Variants in MSI2 observed in about 807,000 individuals in gnomAD.
The protein encoded by MSI2 is musashi RNA binding protein 2, also known as RNA-binding protein Musashi homolog 2.
In MSI2, 17 loss-of-function variants were observed where a neutral mutation model predicts 45.6. The ratio of observed to expected loss-of-function variants is 0.37; its 90% CI spans 0.26 to 0.56. The LOEUF is 0.56. Ranked by LOEUF, MSI2 falls within the 20% of genes least tolerant of loss-of-function variation. The pLI is 0.77. For synonymous variants in MSI2, 156 were observed against 158.2 expected (o/e 0.99, Z 0.11); for missense variants, 293 against 444.2 (o/e 0.66, Z 3.06).
chr17:57,586,105 AG>A (rs1315999792), intron 7 of MSI2, among the ~76,000 whole-genome samples: 1 of 152,244 alleles, frequency 6.6e-6, no homozygotes, highest in Non-Finnish European at 1.5e-5. Context: ...CACAAAAAAT[AG>A]GTTTGTGAAC....
intron 7 of MSI2, among the ~76,000 whole-genome samples, chr17:57,579,448 C>A (rs2088142309): frequency 6.6e-6 from 1 of 152,190 alleles, no homozygotes; most frequent in Admixed American, 6.5e-5. Context: ...TCAAGGTGTG[C>A]CCTGTGGCCT....
intron 7 of MSI2, among the ~76,000 whole-genome samples, chr17:57,578,541 C>A (rs757264258): frequency 6.6e-6 from 1 of 151,912 alleles, no homozygotes; most frequent in Non-Finnish European, 1.5e-5. Flanking sequence ...TAATTGGGAA[C>A]AGAAGAATGC....
chr17:57,633,236 G>A (rs1320855100), intron 10 of MSI2: 3 of 975,080 alleles, frequency 3.1e-6, no homozygotes, highest in Non-Finnish European at 3.7e-6. Context: ...CTCGCTCCGG[G>A]GGAGGTGAAT....
intron 11 of MSI2, among the ~76,000 whole-genome samples, chr17:57,662,898 T>G (rs1231434552): frequency 6.6e-6 from 1 of 152,202 alleles, no homozygotes; most frequent in East Asian, 1.9e-4. Context: ...CGTGGTCGTG[T>G]AAGAGGAAGC....
intron 7 of MSI2, among the ~76,000 whole-genome samples, chr17:57,546,329 T>C (rs992432166): frequency 6.6e-6 from 1 of 152,144 alleles, no homozygotes; most frequent in Non-Finnish European, 1.5e-5. Flanking sequence ...GTAATACTAA[T>C]TGATTGGTTG....
At chr17:57,625,036 C>T (rs1908669755) in intron 9 of MSI2, among the ~76,000 whole-genome samples, 1 of 152,104 alleles carries the variant, frequency 6.6e-6, no homozygotes, top group Admixed American at 6.6e-5. Context: ...CTAACCGTGT[C>T]CTCACGTGTT....
At chr17:57,440,063 T>C (rs2084768471) in intron 6 of MSI2, among the ~76,000 whole-genome samples, 1 of 152,170 alleles carries the variant, frequency 6.6e-6, no homozygotes, top group Non-Finnish European at 1.5e-5. Flanking sequence ...GAGTTAGCTG[T>C]TTATTTCAAA....
At chr17:57,368,308 C>T (rs1334689617) in intron 5 of MSI2, among the ~76,000 whole-genome samples, 2 of 152,136 alleles carry the variant, frequency 1.3e-5, no homozygotes, top group Non-Finnish European at 1.5e-5. Flanking sequence ...AGGCTCCCAG[C>T]ACTTTGGGAG....
intron 6 of MSI2, among the ~76,000 whole-genome samples, chr17:57,467,001 G>A (rs1287545671): frequency 6.6e-6 from 1 of 152,184 alleles, no homozygotes; most frequent in Admixed American, 6.5e-5. Flanking sequence ...TCCTTATCTT[G>A]TGAGCAGAAG....
At chr17:57,567,146 C>T (rs773031420) in intron 7 of MSI2, among the ~76,000 whole-genome samples, 13 of 152,250 alleles carry the variant, frequency 8.5e-5, no homozygotes, top group Middle Eastern at 6.8e-3. Context: ...TTTTTGTTTC[C>T]GTTTAAAACA....
chr17:57,658,422 G>A (rs1911757636), intron 11 of MSI2, among the ~76,000 whole-genome samples: 1 of 152,298 alleles, frequency 6.6e-6, no homozygotes, highest in East Asian at 1.9e-4. Context: ...GTTCATTTCT[G>A]GGAGAGCCAG....
chr17:57,285,447 A>G (rs1909784279), intron 5 of MSI2, among the ~76,000 whole-genome samples: 3 of 152,226 alleles, frequency 2.0e-5, no homozygotes, highest in South Asian at 2.1e-4. Context: ...GCGGTTTTCC[A>G]TTTTCACGGT....
intron 4 of MSI2, among the ~76,000 whole-genome samples, chr17:57,260,303 A>G (rs1907190397): frequency 6.6e-6 from 1 of 152,214 alleles, no homozygotes; most frequent in Non-Finnish European, 1.5e-5. Flanking sequence ...CGATCATGAT[A>G]TAATGCTCTG....
chr17:57,552,636 T>G lies in MSI2; in HGVS notation c.454+22912T>G, dbSNP rs563888603. Among the ~76,000 whole-genome samples, 4 of 152,332 alleles carry G rather than the reference T, an allele frequency of 2.6e-5. No individual in the cohort carries two copies. Among genetic ancestry groups the G allele is most frequent in the Admixed American group, 2.6e-4 (4 of 15,308 alleles). On this transcript the variant is annotated intron_variant, in intron 7 of 13. Coordinates refer to ENST00000284073, the MANE Select transcript of MSI2 (RefSeq NM_138962.4). The surrounding 1 kb of genome is among the most constrained non-coding windows in gnomAD (Gnocchi z 4.3). Reference sequence around the variant, plus strand: ...AGTTTCCTCTGGTTCAAACTTACGTTTGAAGTTTTTCTACAACCAGAAGGT... The same window carrying G: ...AGTTTCCTCTGGTTCAAACTTACGTGTGAAGTTTTTCTACAACCAGAAGGT...
intron 6 of MSI2, chr17:57,449,724 T>C (rs921281024): frequency 6.6e-6 from 1 of 152,190 alleles, no homozygotes; most frequent in Non-Finnish European, 1.5e-5. Flanking sequence ...AAATGACTTT[T>C]GCTATTAAAA....
intron 11 of MSI2, among the ~76,000 whole-genome samples, chr17:57,663,329 G>T (rs1455160006): frequency 6.6e-6 from 1 of 152,184 alleles, no homozygotes; most frequent in Non-Finnish European, 1.5e-5. Context: ...AAATAAAGGG[G>T]CCCTTTGTTC....
chr17:57,470,305 T>C (rs1358659692), intron 6 of MSI2, among the ~76,000 whole-genome samples: 2 of 152,002 alleles, frequency 1.3e-5, no homozygotes, highest in Non-Finnish European at 2.9e-5. Flanking sequence ...TGAGATGGAG[T>C]CTTGCTCTGC....
chr17:57,391,959 C>T (rs2083800607), intron 5 of MSI2, among the ~76,000 whole-genome samples: 1 of 152,194 alleles, frequency 6.6e-6, no homozygotes, highest in Admixed American at 6.5e-5. Context: ...TGGGGTCTTC[C>T]CCATAGTGGG....
intron 5 of MSI2, among the ~76,000 whole-genome samples, chr17:57,294,341 CA>C (rs1168684157): frequency 6.6e-6 from 1 of 152,038 alleles, no homozygotes; most frequent in African/African-American, 2.4e-5. Context: ...CCGGCAGGTG[CA>C]GGGGCAGGCA....
Sources: allele counts gnomAD v4.1 joint callset (sites outside exome capture counted in the v4.1 genomes callset), GRCh38; gene constraint gnomAD v4.1.1; non-coding constraint Gnocchi (gnomAD v3.1); transcripts MANE v1.5; gene names NCBI Gene and HGNC (gene_info 2026-07-23, HGNC 2026-07-21).